The following SYT16 variants were observed in gnomAD, a reference collection of about 807,000 sequenced individuals.
SYT16 encodes the protein synaptotagmin 16.
In SYT16, 42 loss-of-function variants were observed where a neutral mutation model predicts 61.4. The observed-to-expected ratio is 0.68, with a 90% CI of 0.53 to 0.89. The LOEUF is 0.89. SYT16 is among the 40% of genes least tolerant of loss of function. The probability of loss-of-function intolerance (pLI) is 0.00; values close to 1 mark genes in which losing one functional copy is unlikely to be tolerated. For synonymous variants in SYT16, 314 were observed against 302.3 expected (o/e 1.04, Z -0.40); for missense variants, 804 against 807.3 (o/e 1.00, Z 0.05).
intron 1 of SYT16, among the ~76,000 whole-genome samples, chr14:61,926,662 C>T (rs1272701040): frequency 3.9e-5 from 6 of 152,220 alleles, no homozygotes; most frequent in African/African-American, 1.4e-4. Context: ...CCAGATATTA[C>T]CTCTGAAGTG....
Position 62,078,155 on chromosome 14 carries a change from C to CTCTCTCTATA in SYT16, c.994-2678_994-2677insCTCTCTATAT, listed in dbSNP as rs766089633. Among the ~76,000 whole-genome samples the CTCTCTCTATA allele has an allele frequency of 9.1e-4, 124 of 135,998 alleles. 1 individual carries two copies. The highest frequency in any genetic ancestry group is 3.8e-3 in the Middle Eastern group (1 of 262). The allele number at this position is 135,998 out of a possible 152,430, so 89.2% of individuals were successfully genotyped here. On this transcript the variant is annotated intron_variant, in intron 5 of 7. Transcript: ENST00000683842. ...GCTCTCTCGCTCTCTCTCTCTCTCT[C>CTCTCTCTATA]TATATATATATATATAAACACACAC...
At chr14:61,846,165 T>C (rs1280253106) in intron 1 of SYT16, among the ~76,000 whole-genome samples, 1 of 152,178 alleles carries the variant, frequency 6.6e-6, no homozygotes, top group African/African-American at 2.4e-5. Flanking sequence ...ATTAGGTCCA[T>C]TTGGTCTATA....
intron 5 of SYT16, chr14:62,077,753 G>A (rs956287893): frequency 1.8e-4 from 27 of 152,162 alleles, no homozygotes; most frequent in African/African-American, 6.5e-4. Context: ...ATCAACCCAG[G>A]GAGGGGCTAC....
At chr14:61,995,067 A>C (rs554641411) in intron 2 of SYT16, among the ~76,000 whole-genome samples, 5 of 152,186 alleles carry the variant, frequency 3.3e-5, no homozygotes, top group Admixed American at 3.3e-4. Context: ...CATAATATAC[A>C]CACATATGTG....
At chr14:61,989,000 G>A (rs2052434355) in intron 2 of SYT16, among the ~76,000 whole-genome samples, 1 of 152,020 alleles carries the variant, frequency 6.6e-6, no homozygotes, top group South Asian at 2.1e-4. Context: ...CCTGGGGCAA[G>A]TCACCTACCC....
chr14:61,918,541 G>C (rs888420600), intron 1 of SYT16, among the ~76,000 whole-genome samples: 2 of 152,086 alleles, frequency 1.3e-5, no homozygotes, highest in Admixed American at 1.3e-4. Flanking sequence ...CTAGTAGCCT[G>C]TAAGAATTAT....
intron 3 of SYT16, among the ~76,000 whole-genome samples, chr14:62,048,385 T>C (rs183234108): frequency 9.5e-4 from 144 of 152,286 alleles, no homozygotes; most frequent in African/African-American, 3.3e-3. Flanking sequence ...TTATTAGTCT[T>C]GCTAGCTGTC....
intron 2 of SYT16, among the ~76,000 whole-genome samples, chr14:61,994,964 T>A (rs966524774): frequency 1.3e-5 from 2 of 152,164 alleles, no homozygotes; most frequent in African/African-American, 4.8e-5. Context: ...ATTGGGTAAT[T>A]AAGTTTAAGC....
chr14:61,966,104 C>T (rs1264828035), intron 1 of SYT16, among the ~76,000 whole-genome samples: 3 of 151,092 alleles, frequency 2.0e-5, no homozygotes, highest in Admixed American at 6.6e-5. Context: ...AAATGTTATA[C>T]CCATCCATAG....
In SYT16 at chr14:61,865,187, G is replaced by C. The variant is rs2047107664; in HGVS notation, c.-325+52377G>C. The stretch of plus-strand genomic sequence containing the variant: ...ACTGGGCCCAGAGGATCGTGTTTCT[G>C]TCACTGACTATAAGCGACTTCTGGA... On this transcript the variant is annotated intron_variant, in intron 1 of 7. Coordinates refer to ENST00000683842, the MANE Select transcript of SYT16 (RefSeq NM_001367656.1). The C allele has an allele frequency of 2.6e-6, 3 of 1,154,560 alleles. No individual in the cohort carries two copies. The Admixed American group carries it at 5.1e-5, about 20-fold the overall frequency. The allele number at this position is 1,154,560 out of a possible 1,614,324, so 71.5% of individuals were successfully genotyped here.
chr14:61,927,289 A>G (rs549536845), intron 1 of SYT16, among the ~76,000 whole-genome samples: 1 of 152,350 alleles, frequency 6.6e-6, no homozygotes, highest in East Asian at 1.9e-4. Context: ...TTTTTATTCC[A>G]GGTTACGATA....
At chr14:61,945,834 C>T (rs113062794) in intron 1 of SYT16, among the ~76,000 whole-genome samples, 5 of 113,882 alleles carry the variant, frequency 4.4e-5, no homozygotes, top group South Asian at 3.2e-4. Context: ...CCAGCCTGGG[C>T]GACAGAGCGA....
At chr14:62,069,069 T>G (rs1285029057) in intron 3 of SYT16, among the ~76,000 whole-genome samples, 1 of 152,234 alleles carries the variant, frequency 6.6e-6, no homozygotes, top group East Asian at 1.9e-4. Flanking sequence ...GTGCTGGGAT[T>G]ACAGGCGTGA....
At chr14:61,947,961 T>C (rs1306814453) in intron 1 of SYT16, among the ~76,000 whole-genome samples, 3 of 152,108 alleles carry the variant, frequency 2.0e-5, no homozygotes, top group Non-Finnish European at 1.5e-5. Flanking sequence ...TGCACAAAAG[T>C]TTGGAAGTAC....
chr14:62,029,559 A>T (rs1015475336), intron 3 of SYT16, among the ~76,000 whole-genome samples: 3 of 152,196 alleles, frequency 2.0e-5, no homozygotes, highest in Admixed American at 6.5e-5. Flanking sequence ...CTATTCCCAG[A>T]ATAGCACAGT....
intron 1 of SYT16, among the ~76,000 whole-genome samples, chr14:61,959,151 C>T (rs967496736): frequency 3.3e-4 from 50 of 152,160 alleles, no homozygotes; most frequent in African/African-American, 1.1e-3. Flanking sequence ...TTAAATCTAA[C>T]GTGACTCTTT....
chr14:61,915,863 T>G (rs1211423543), intron 1 of SYT16, among the ~76,000 whole-genome samples: 1 of 152,212 alleles, frequency 6.6e-6, no homozygotes, highest in Non-Finnish European at 1.5e-5. Flanking sequence ...GGATTATTAA[T>G]CCTTTCCCTG....
At chr14:61,890,533 C>G (rs550751057) in intron 1 of SYT16, among the ~76,000 whole-genome samples, 1 of 148,486 alleles carries the variant, frequency 6.7e-6, no homozygotes, top group East Asian at 2.0e-4. Context: ...ATTTTTACTT[C>G]TATAGAACAA....
chr14:62,082,116 A>T (rs2056730178), intron 6 of SYT16, among the ~76,000 whole-genome samples: 3 of 152,168 alleles, frequency 2.0e-5, no homozygotes, highest in South Asian at 2.1e-4. Context: ...AACTCAAAGC[A>T]TCGAGAGAGC....
Sources: gnomAD v4.1 joint callset for allele counts (sites outside exome capture counted in the v4.1 genomes callset) on GRCh38, gnomAD v4.1.1 for gene constraint, MANE v1.5 for transcripts, NCBI Gene and HGNC (gene_info 2026-07-23, HGNC 2026-07-21) for gene names.